The following CNTN4 variants were observed in gnomAD, a reference collection of about 807,000 sequenced individuals.
CNTN4 encodes contactin-4.
CNTN4 carries 77 observed loss-of-function variants against 122.5 expected under a neutral mutation model. The observed-to-expected ratio is 0.63, with a 90% CI of 0.52 to 0.76. The LOEUF (loss-of-function observed/expected upper bound fraction) is 0.76. CNTN4 is among the 30% of genes least tolerant of loss of function. CNTN4 has a pLI of 0.00. For synonymous variants in CNTN4, 512 were observed against 447.0 expected (o/e 1.15, Z -1.83); for missense variants, 1,256 against 1,259.1 (o/e 1.00, Z 0.04).
intron 13 of CNTN4, among the ~76,000 whole-genome samples, chr3:2,949,509 C>T (rs760638576): frequency 2.6e-5 from 4 of 152,284 alleles, no homozygotes; most frequent in East Asian, 1.9e-4. Flanking sequence ...CTGTTCTCTA[C>T]CCAGTGGACC....
At chr3:2,271,634 A>G (rs1316183139) in intron 2 of CNTN4, among the ~76,000 whole-genome samples, 9 of 152,132 alleles carry the variant, frequency 5.9e-5, no homozygotes, top group Admixed American at 5.9e-4. Context: ...GAAAACAGCC[A>G]ACTGAGACTT....
At chr3:2,236,629 C>G (rs763466543) in intron 2 of CNTN4, among the ~76,000 whole-genome samples, 1 of 152,120 alleles carries the variant, frequency 6.6e-6, no homozygotes, top group Non-Finnish European at 1.5e-5. Flanking sequence ...TTAATTATTT[C>G]CCTTGGGAAT....
At chr3:2,897,725 T>C (rs2094130679) in intron 10 of CNTN4, among the ~76,000 whole-genome samples, 2 of 152,218 alleles carry the variant, frequency 1.3e-5, no homozygotes, top group South Asian at 2.1e-4. Context: ...GTTTTCACTG[T>C]ATTTGACTAT....
At chr3:2,530,412 G>A (rs144359595) in intron 3 of CNTN4, among the ~76,000 whole-genome samples, 2 of 150,204 alleles carry the variant, frequency 1.3e-5, no homozygotes, top group African/African-American at 2.4e-5. Flanking sequence ...GGGTTCAAGC[G>A]ATTCTCGTGC....
chr3:2,990,017 C>A (rs1022161403), intron 14 of CNTN4, among the ~76,000 whole-genome samples: 1 of 152,204 alleles, frequency 6.6e-6, no homozygotes, highest in Non-Finnish European at 1.5e-5. Flanking sequence ...CTCATTTCTA[C>A]CACTTACCAG....
At chr3:3,027,979 A>G (rs528703995) in intron 15 of CNTN4, among the ~76,000 whole-genome samples, 16 of 152,340 alleles carry the variant, frequency 1.1e-4, no homozygotes, top group Admixed American at 3.9e-4. Flanking sequence ...GCTGAGAAAT[A>G]CATAGAAAAT....
chr3:2,289,791 C>T (rs1054267578), intron 2 of CNTN4, among the ~76,000 whole-genome samples: 19 of 152,140 alleles, frequency 1.2e-4, no homozygotes, highest in African/African-American at 4.6e-4. Context: ...TAATTTTATT[C>T]CACTTACTGC....
intron 2 of CNTN4, among the ~76,000 whole-genome samples, chr3:2,112,285 C>G (rs949820985): frequency 5.3e-5 from 8 of 152,032 alleles, no homozygotes; most frequent in African/African-American, 1.7e-4. Context: ...TTTCCAGTTG[C>G]TTTCAGTCAA....
chr3:2,993,683 T>A (rs1308103942), intron 14 of CNTN4, among the ~76,000 whole-genome samples: 1 of 152,206 alleles, frequency 6.6e-6, no homozygotes, highest in Non-Finnish European at 1.5e-5. Flanking sequence ...AGTAAGTCCT[T>A]CACAGAAAAG....
chr3:2,178,945 G>C (rs1044157309), intron 2 of CNTN4, among the ~76,000 whole-genome samples: 3 of 151,912 alleles, frequency 2.0e-5, no homozygotes, highest in African/African-American at 7.2e-5. Context: ...GCATCCTTTA[G>C]GTTGGAACTG....
intron 3 of CNTN4, among the ~76,000 whole-genome samples, chr3:2,520,137 A>G (rs2077157036): frequency 6.6e-6 from 1 of 152,118 alleles, no homozygotes; most frequent in Non-Finnish European, 1.5e-5. Flanking sequence ...ATTCAGGTCA[A>G]TAGACTATAT....
intron 4 of CNTN4, among the ~76,000 whole-genome samples, chr3:2,671,372 T>C (rs111281796): frequency 6.6e-6 from 1 of 152,244 alleles, no homozygotes; most frequent in African/African-American, 2.4e-5. Context: ...TTTCTTCCAG[T>C]TGATCGAATC....
chr3:2,227,009 G>A (rs1392535620), intron 2 of CNTN4, among the ~76,000 whole-genome samples: 2 of 152,116 alleles, frequency 1.3e-5, no homozygotes, highest in Non-Finnish European at 2.9e-5. Context: ...AAGTGACTGA[G>A]CTCACAAAAG....
chr3:2,386,718 A>G (rs1466300012), intron 3 of CNTN4, among the ~76,000 whole-genome samples: 7 of 152,232 alleles, frequency 4.6e-5, no homozygotes. Flanking sequence ...TAGAAACGAA[A>G]GGGAAACATT....
At chr3:2,980,660 C>T (rs182626857) in intron 13 of CNTN4, among the ~76,000 whole-genome samples, 1 of 152,146 alleles carries the variant, frequency 6.6e-6, no homozygotes, top group Non-Finnish European at 1.5e-5. Context: ...CACGGGCACA[C>T]ACAAGGAGTG....
At chr3:2,857,466 C>G (rs966218251) in intron 7 of CNTN4, among the ~76,000 whole-genome samples, 2 of 152,114 alleles carry the variant, frequency 1.3e-5, no homozygotes, top group African/African-American at 4.8e-5. Context: ...ATTCTTTATC[C>G]CCCATGAACA....
chr3:3,037,092 G>A, intron 17 of CNTN4, 87 bp from the exon 18 acceptor site: 1 of 1,434,296 alleles, frequency 7.0e-7, no homozygotes, highest in Non-Finnish European at 9.8e-7. Context: ...GATGAGGATG[G>A]ATGGATGTTC....
At chr3:2,163,610 A>G in intron 2 of CNTN4, among the ~76,000 whole-genome samples, 1 of 152,170 alleles carries the variant, frequency 6.6e-6, no homozygotes, top group East Asian at 1.9e-4. Flanking sequence ...CATCTGACAA[A>G]GGACTAAAAT....
intron 14 of CNTN4, among the ~76,000 whole-genome samples, chr3:3,011,796 C>T (rs556774962): frequency 3.2e-4 from 48 of 152,210 alleles, no homozygotes; most frequent in Non-Finnish European, 5.1e-4. Flanking sequence ...CCTCTCCCCG[C>T]CCCAGTCTCT....
Sources: gnomAD v4.1 joint callset for allele counts (sites outside exome capture counted in the v4.1 genomes callset) on GRCh38, gnomAD v4.1.1 for gene constraint, MANE v1.5 for transcripts, NCBI Gene and HGNC (gene_info 2026-07-23, HGNC 2026-07-21) for gene names.